VPS33A: variants seen among roughly 807,000 people sequenced by gnomAD.
VPS33A encodes VPS33A core subunit of CORVET and HOPS complexes.
VPS33A carries 32 observed loss-of-function variants against 71.8 expected under a neutral mutation model. The ratio of observed to expected loss-of-function variants is 0.45; its 90% CI spans 0.34 to 0.60. The LOEUF (loss-of-function observed/expected upper bound fraction) is 0.60. VPS33A is among the 20% of genes least tolerant of loss of function. The probability of loss-of-function intolerance (pLI) is 0.02; values close to 1 mark genes in which losing one functional copy is unlikely to be tolerated. For synonymous variants in VPS33A, 311 were observed against 292.7 expected (o/e 1.06, Z -0.64); for missense variants, 625 against 748.5 (o/e 0.84, Z 1.92).
At chr12:122,254,469 C>T (rs1314063979) in intron 4 of VPS33A, among the ~76,000 whole-genome samples, 1 of 131,010 alleles carries the variant, frequency 7.6e-6, no homozygotes, top group Admixed American at 8.6e-5. Flanking sequence ...GTGGTGCAAT[C>T]TTGGCTCACT....
chr12:122,242,409 T>C lies in VPS33A; in HGVS notation c.1069A>G (p.Ile357Val), dbSNP rs142464282. 56 of 1,614,078 alleles carry C rather than the reference T, an allele frequency of 3.5e-5. 1 individual carries two copies. In the Admixed American group the frequency reaches 6.7e-4, roughly 19 times the overall value. Reference sequence around the variant, plus strand: ...GTGACATCTTTGATCAATTCTGCAATTGAGGTATGGTTTGCAAGCGAGCCC... The same window carrying C: ...GTGACATCTTTGATCAATTCTGCAACTGAGGTATGGTTTGCAAGCGAGCCC... ...ARGSLANHTS[I>V]AELIKDVTTS... The change falls in exon 8 of 13, where the codon ATT (isoleucine) becomes GTT (valine). Residue 357 changes from isoleucine (I) to valine (V), a missense_variant. Physicochemically the swap from Ile to Val is conservative, Grantham distance 29. Coordinates refer to ENST00000267199, the MANE Select transcript of VPS33A (RefSeq NM_022916.6).
intron 9 of VPS33A, among the ~76,000 whole-genome samples, chr12:122,239,194 A>G (rs976370320): frequency 2.6e-5 from 4 of 152,212 alleles, no homozygotes; most frequent in African/African-American, 9.6e-5. Flanking sequence ...AGTATCAGTA[A>G]TTGTTTTATG....
chr12:122,248,203 C>A (rs1204758211), intron 6 of VPS33A: 1 of 152,498 alleles, frequency 6.6e-6, no homozygotes, highest in Middle Eastern at 3.4e-3. Context: ...TGAGCCACCG[C>A]GCCTGGCCTC....
intron 11 of VPS33A, among the ~76,000 whole-genome samples, chr12:122,234,128 T>C (rs140375677): frequency 2.0e-5 from 3 of 152,152 alleles, no homozygotes; most frequent in Non-Finnish European, 4.4e-5. Context: ...CAGTAGAGAA[T>C]ATGCACTCTT....
At position 122,250,795 on chromosome 12, in the gene VPS33A, C is replaced by T. The variant is rs759925319; in HGVS notation, c.600+188G>A. Among the ~76,000 whole-genome samples, 4 of 152,102 alleles carry T rather than the reference C, an allele frequency of 2.6e-5. No homozygotes were observed. The South Asian group carries it at 6.2e-4, about 24-fold the overall frequency. ...CTCAAACTGTCACCACTGTGCACGCCGACAAAAGCACCATGAGTACTGACT... is the reference window on the plus strand; with the variant it reads ...CTCAAACTGTCACCACTGTGCACGCTGACAAAAGCACCATGAGTACTGACT... On this transcript the variant is annotated intron_variant, in intron 5 of 12. Coordinates refer to ENST00000267199, the MANE Select transcript of VPS33A (RefSeq NM_022916.6).
intron 8 of VPS33A, 102 bp from the exon 9 acceptor site, chr12:122,240,047 G>T: frequency 3.4e-6 from 3 of 885,188 alleles, no homozygotes; most frequent in African/African-American, 1.7e-5. Flanking sequence ...TAGACATGTG[G>T]CTGGGCACGG....
rs561309811 is a variant in VPS33A, at chr12:122,252,592, A to G, written c.484-1493T>C. On this transcript the variant is annotated intron_variant, in intron 4 of 12. Coordinates refer to ENST00000267199, the MANE Select transcript of VPS33A (RefSeq NM_022916.6). ...GCCGACCCCATCTCTTTAAAAAAAA[A>G]AGAGAGAGAGAAAAAAACCACCTGT... Among the ~76,000 whole-genome samples the G allele has an allele frequency of 1.6e-3, 240 of 152,126 alleles. 3 individuals carry two copies. The East Asian group carries it at 0.022, about 14-fold the overall frequency.
intron 8 of VPS33A, among the ~76,000 whole-genome samples, chr12:122,240,705 TAACA>T (rs1448254843): frequency 1.2e-4 from 18 of 152,206 alleles, no homozygotes; most frequent in Non-Finnish European, 1.9e-4. Context: ...CCCTGTGTTG[TAACA>T]AACAAACAAA....
At chr12:122,235,015 C>A (rs1954610656) in intron 11 of VPS33A, among the ~76,000 whole-genome samples, 2 of 152,170 alleles carry the variant, frequency 1.3e-5, no homozygotes, top group African/African-American at 4.8e-5. Flanking sequence ...CAGAGTCTTA[C>A]TGTGTAGCCC....
At chr12:122,239,745 G>A (rs1282605891) in intron 9 of VPS33A, 133 bp downstream of exon 9, 3 of 377,110 alleles carry the variant, frequency 8.0e-6, no homozygotes, top group East Asian at 8.8e-5. Context: ...GTGAGACTCC[G>A]TCTCAAAAAA....
Position 122,244,576 on chromosome 12 carries a change from G to A in VPS33A, c.962C>T (p.Ala321Val). The change falls in exon 7 of 13, where the codon GCA becomes GTA. Residue 321 changes from alanine (A) to valine (V), a missense_variant. Coordinates refer to ENST00000267199, the MANE Select transcript of VPS33A (RefSeq NM_022916.6). ...LSKKAKIISA[A>V]FEERHNAKTV... ...ACCCAAAACTTGCCTCACCTCGAAT[G>A]CTGCAGAGATGATCTTTGCTTTCTT... The A allele has an allele frequency of 6.3e-7, 1 of 1,595,622 alleles. No homozygotes were observed.
chr12:122,242,363 C>A lies in VPS33A; in HGVS notation c.1096+19G>T. On this transcript the variant is annotated intron_variant, in intron 8 of 12. Coordinates refer to ENST00000267199, the MANE Select transcript of VPS33A (RefSeq NM_022916.6). ...GCAAGTAGCCCCAGACTGAAACAATCATTACAAAGGATACTCACTAGTGAC... is the reference window on the plus strand; with the variant it reads ...GCAAGTAGCCCCAGACTGAAACAATAATTACAAAGGATACTCACTAGTGAC... The A allele has an allele frequency of 6.2e-7, 1 of 1,603,908 alleles. No homozygotes were observed. Among genetic ancestry groups the A allele is most frequent in the Non-Finnish European group, 8.5e-7 (1 of 1,171,718 alleles).
At chr12:122,257,520 A>C (rs1286228446) in intron 4 of VPS33A, among the ~76,000 whole-genome samples, 1 of 151,588 alleles carries the variant, frequency 6.6e-6, no homozygotes, top group Non-Finnish European at 1.5e-5. Flanking sequence ...AATACACAAA[A>C]AAATTAGCTG....
intron 11 of VPS33A, 23 bp downstream of exon 11, chr12:122,235,763 C>G (rs2271408): frequency 1.3e-6 from 2 of 1,597,394 alleles, no homozygotes; most frequent in Non-Finnish European, 1.7e-6. Flanking sequence ...TAAGCTGAGA[C>G]GAGGTGGAGA....
At chr12:122,249,785 T>C (rs1477799727) in intron 6 of VPS33A, 86 bp downstream of exon 6, 60 of 1,268,942 alleles carry the variant, frequency 4.7e-5, no homozygotes, top group Non-Finnish European at 6.0e-5. Flanking sequence ...AAATTATGCT[T>C]AAGTGTGCAA....
intron 10 of VPS33A, among the ~76,000 whole-genome samples, chr12:122,236,965 G>A (rs1441694124): frequency 6.6e-6 from 1 of 152,146 alleles, no homozygotes; most frequent in Non-Finnish European, 1.5e-5. Context: ...GGAAACTGGG[G>A]TATGAGCAAG....
chr12:122,247,041 G>A (rs554960273), intron 6 of VPS33A, among the ~76,000 whole-genome samples: 19 of 152,118 alleles, frequency 1.2e-4, no homozygotes, highest in South Asian at 1.2e-3. Context: ...AACTACACAA[G>A]GGGAAAAAAA....
At chr12:122,259,476 C>T (rs1954964629) in intron 4 of VPS33A, among the ~76,000 whole-genome samples, 1 of 152,118 alleles carries the variant, frequency 6.6e-6, no homozygotes, top group Non-Finnish European at 1.5e-5. Context: ...ACCTCAGCCT[C>T]CCAAAGTGCT....
intron 6 of VPS33A, among the ~76,000 whole-genome samples, chr12:122,246,969 A>C (rs1159894337): frequency 6.6e-6 from 1 of 152,192 alleles, no homozygotes; most frequent in African/African-American, 2.4e-5. Context: ...TAGCATACCA[A>C]ATCAAAACTC....
Sources: gnomAD v4.1 joint callset for allele counts (sites outside exome capture counted in the v4.1 genomes callset) on GRCh38, gnomAD v4.1.1 for gene constraint, MANE v1.5 for transcripts, NCBI Gene and HGNC (gene_info 2026-07-23, HGNC 2026-07-21) for gene names.